Variants in SCHIP1 observed in about 807,000 individuals in gnomAD.
SCHIP1 encodes the protein schwannomin interacting protein 1, also known as schwannomin-interacting protein 1.
A neutral mutation model predicts 29.7 loss-of-function variants in SCHIP1; 8 were observed. The observed-to-expected ratio is 0.27, with a 90% CI of 0.16 to 0.49. The LOEUF (loss-of-function observed/expected upper bound fraction) is 0.49, where lower values mean the gene tolerates loss of function less well. Ranked by LOEUF, SCHIP1 falls within the 20% of genes least tolerant of loss-of-function variation. The probability of loss-of-function intolerance (pLI) is 0.99; values close to 1 mark genes in which losing one functional copy is unlikely to be tolerated. For synonymous variants in SCHIP1, 76 were observed against 94.9 expected (o/e 0.80, Z 1.16); for missense variants, 193 against 294.6 (o/e 0.66, Z 2.52).
At chr3:159,831,255 G>A in the SCHIP1 span, among the ~76,000 whole-genome samples, 1 of 152,124 alleles carries the variant, frequency 6.6e-6, no homozygotes, top group Non-Finnish European at 1.5e-5. Context: ...ATGAATATTA[G>A]GCGGTTCTTT....
At chr3:159,488,319 C>T in the SCHIP1 span, among the ~76,000 whole-genome samples, 5 of 151,648 alleles carry the variant, frequency 3.3e-5, no homozygotes, top group Non-Finnish European at 7.4e-5. Context: ...TTTAAAATAA[C>T]GGAGAGTATA....
the SCHIP1 span, among the ~76,000 whole-genome samples, chr3:159,466,558 C>T: frequency 1.6e-4 from 24 of 152,140 alleles, no homozygotes; most frequent in African/African-American, 3.9e-4. Flanking sequence ...GTATTGCTAC[C>T]GTGACAGATG....
chr3:159,828,443 A>ATG, the SCHIP1 span, among the ~76,000 whole-genome samples: 20 of 100,478 alleles, frequency 2.0e-4, 1 homozygote, highest in Non-Finnish European at 3.3e-4. Context: ...ATATATACGT[A>ATG]TATATATACG....
chr3:159,676,092 C>T, the SCHIP1 span, among the ~76,000 whole-genome samples: 1 of 152,138 alleles, frequency 6.6e-6, no homozygotes, highest in African/African-American at 2.4e-5. Context: ...GATTGCACCC[C>T]TGCACTCCAG....
At chr3:159,896,784 A>T (rs1560101422) in exon 7 of SCHIP1, 4 of 1,604,812 alleles carry the variant, frequency 2.5e-6, no homozygotes, top group Non-Finnish European at 3.4e-6. Context: ...AAAAGAAGCC[A>T]TTCAACCAGA....
At chr3:159,886,317 C>A (rs1348056209) in exon 3 of SCHIP1, 2 of 1,613,884 alleles carry the variant, frequency 1.2e-6, no homozygotes, top group South Asian at 1.1e-5. Flanking sequence ...ACCCCCTTGT[C>A]TCCCATGGTG....
chr3:159,428,821 A>G, the SCHIP1 span, among the ~76,000 whole-genome samples: 1 of 152,184 alleles, frequency 6.6e-6, no homozygotes, highest in East Asian at 1.9e-4. Context: ...GATAGACTGG[A>G]TTAAGAAAAT....
chr3:159,508,178 T>G, the SCHIP1 span, among the ~76,000 whole-genome samples: 1 of 152,220 alleles, frequency 6.6e-6, no homozygotes, highest in Non-Finnish European at 1.5e-5. Flanking sequence ...TTCAACTTCT[T>G]CTTGGTTTAG....
At chr3:159,323,527 G>T in the SCHIP1 span, among the ~76,000 whole-genome samples, 1 of 152,166 alleles carries the variant, frequency 6.6e-6, no homozygotes, top group Non-Finnish European at 1.5e-5. Context: ...ACCGTAGTCT[G>T]TCTATGCATG....
chr3:159,574,354 A>G, the SCHIP1 span, among the ~76,000 whole-genome samples: 2 of 152,274 alleles, frequency 1.3e-5, no homozygotes, highest in African/African-American at 4.8e-5. Context: ...TTTTCCTTCT[A>G]ACAGTCAGGT....
chr3:159,825,903 G>C, the SCHIP1 span, among the ~76,000 whole-genome samples: 2 of 152,192 alleles, frequency 1.3e-5, no homozygotes, highest in African/African-American at 4.8e-5. Flanking sequence ...TTGAGAAACA[G>C]CTTGTGTGAG....
At chr3:159,301,353 A>T in the SCHIP1 span, among the ~76,000 whole-genome samples, 1,509 of 152,192 alleles carry the variant, frequency 9.9e-3, 159 homozygotes, top group East Asian at 0.24. Context: ...GTGTTTTTGG[A>T]GTTGTTTATG....
At chr3:159,839,943 C>G in exon 1 of SCHIP1, 4 of 1,417,270 alleles carry the variant, frequency 2.8e-6, no homozygotes, top group Non-Finnish European at 3.7e-6. Flanking sequence ...GCTCCATGTT[C>G]CTAAGCCTGC....
chr3:159,681,909 G>A, the SCHIP1 span, among the ~76,000 whole-genome samples: 2 of 135,162 alleles, frequency 1.5e-5, no homozygotes, highest in African/African-American at 6.9e-5. Context: ...TTAACTCAAC[G>A]TTAACTTAGG....
chr3:159,361,600 A>G, the SCHIP1 span, among the ~76,000 whole-genome samples: 1 of 152,202 alleles, frequency 6.6e-6, no homozygotes, highest in Non-Finnish European at 1.5e-5. Flanking sequence ...TTACATTAAG[A>G]AGGACCTTTC....
chr3:159,891,963 C>A (rs78886950), intron 5 of SCHIP1, 134 bp from the exon 7 acceptor site: 1 of 964,612 alleles, frequency 1.0e-6, no homozygotes, highest in Non-Finnish European at 1.5e-6. Context: ...CTGCAACATA[C>A]GATGTCTAAC....
chr3:159,312,795 A>G, the SCHIP1 span, among the ~76,000 whole-genome samples: 1 of 152,186 alleles, frequency 6.6e-6, no homozygotes, highest in Non-Finnish European at 1.5e-5. Flanking sequence ...TGAATTAAAA[A>G]GGCAAAAATT....
the SCHIP1 span, among the ~76,000 whole-genome samples, chr3:159,396,620 C>A: frequency 4.6e-5 from 7 of 152,006 alleles, no homozygotes; most frequent in African/African-American, 1.4e-4. Context: ...GTTGAAAATT[C>A]TTTTCTTTAA....
chr3:159,754,805 A>G, the SCHIP1 span, among the ~76,000 whole-genome samples: 1 of 152,238 alleles, frequency 6.6e-6, no homozygotes, highest in Non-Finnish European at 1.5e-5. Flanking sequence ...TCTGGAGCTA[A>G]GAGCTGGGGT....
Sources: gnomAD v4.1 joint callset for allele counts (sites outside exome capture counted in the v4.1 genomes callset) on GRCh38, gnomAD v4.1.1 for gene constraint, MANE v1.5 for transcripts, NCBI Gene and HGNC (gene_info 2026-07-23, HGNC 2026-07-21) for gene names.